The following HIPK2 variants were observed in gnomAD, a reference collection of about 807,000 sequenced individuals.
HIPK2 encodes homeodomain interacting protein kinase 2.
HIPK2 carries 27 observed loss-of-function variants against 113.7 expected under a neutral mutation model. The observed-to-expected ratio is 0.24, with a 90% CI of 0.17 to 0.33. The LOEUF is 0.33. Ranked by LOEUF, HIPK2 falls within the 10% of genes least tolerant of loss-of-function variation. The pLI is 1.00. For missense variants in HIPK2, 1,257 were observed against 1,588.0 expected (o/e 0.79, Z 3.54); for synonymous variants, 631 against 642.2 (o/e 0.98, Z 0.26).
chr7:139,668,867 A>G (rs985484193), intron 2 of HIPK2, among the ~76,000 whole-genome samples: 23 of 152,220 alleles, frequency 1.5e-4, no homozygotes, highest in African/African-American at 5.5e-4. Context: ...GTAAAAGAAG[A>G]CTGATGACTG....
chr7:139,752,171 T>C (rs1796288935), intron 1 of HIPK2, among the ~76,000 whole-genome samples: 1 of 152,204 alleles, frequency 6.6e-6, no homozygotes. Flanking sequence ...TGCACACACA[T>C]GCTCAGAAGC....
intron 2 of HIPK2, among the ~76,000 whole-genome samples, chr7:139,677,346 C>T (rs1802539584): frequency 6.6e-6 from 1 of 151,982 alleles, no homozygotes; most frequent in Non-Finnish European, 1.5e-5. Context: ...GGTAAAGTGA[C>T]TTCATTTAGT....
At chr7:139,584,629 A>G (rs1798777566) in intron 12 of HIPK2, among the ~76,000 whole-genome samples, 1 of 152,246 alleles carries the variant, frequency 6.6e-6, no homozygotes, top group Admixed American at 6.5e-5. Context: ...AGCACAGTGC[A>G]GACATGCTGC....
intron 2 of HIPK2, among the ~76,000 whole-genome samples, chr7:139,671,818 G>A (rs951359668): frequency 6.6e-6 from 1 of 152,206 alleles, no homozygotes; most frequent in Admixed American, 6.5e-5. Context: ...AAAGTGCTGG[G>A]ATTATAGGTG....
chr7:139,647,479 A>G (rs1201018288), intron 2 of HIPK2, among the ~76,000 whole-genome samples: 1 of 152,208 alleles, frequency 6.6e-6, no homozygotes, highest in East Asian at 1.9e-4. Context: ...TGGCTCTTTT[A>G]GTTCTTCTCT....
chr7:139,628,982 T>G lies in HIPK2; in HGVS notation c.1405A>C (p.Ile469Leu), dbSNP rs1182918585. The G allele has an allele frequency of 6.3e-7, 1 of 1,596,100 alleles. No individual in the cohort carries two copies. The highest frequency in any genetic ancestry group is 2.2e-5 in the East Asian group (1 of 44,638). ...GIKSKEARKY[I>L]FNCLDDMAQV... is the part of the protein sequence containing the mutation. ...GCCATATCATCTAAACAGTTGAAAA[T>G]GTACTTTCTTGCTTCTTTTGACTTA... Residue 469 changes from isoleucine to leucine, a missense_variant, in exon 5 of 15, where the codon ATT becomes CTT. Transcript: ENST00000406875.
At chr7:139,612,676 C>A (rs1248529714) in intron 9 of HIPK2, among the ~76,000 whole-genome samples, 1 of 152,204 alleles carries the variant, frequency 6.6e-6, no homozygotes. Flanking sequence ...TAACACTTTA[C>A]AAATTTTCAA....
At chr7:139,583,407 G>A (rs1381083539) in intron 13 of HIPK2, 6 of 173,380 alleles carry the variant, frequency 3.5e-5, no homozygotes, top group Non-Finnish European at 7.4e-5. Flanking sequence ...AGCAAGACTC[G>A]GAGGAGGTTC....
At chr7:139,614,066 C>T (rs1436656333) in intron 8 of HIPK2, among the ~76,000 whole-genome samples, 1 of 152,182 alleles carries the variant, frequency 6.6e-6, no homozygotes. Flanking sequence ...GTGTGAGAGT[C>T]ACAAAGGATT....
At chr7:139,590,069 C>T (rs180693718) in intron 12 of HIPK2, among the ~76,000 whole-genome samples, 105 of 152,324 alleles carry the variant, frequency 6.9e-4, no homozygotes, top group Non-Finnish European at 1.1e-3. Context: ...AATGAGCACA[C>T]ATTTCAGATG....
intron 12 of HIPK2, among the ~76,000 whole-genome samples, chr7:139,592,467 A>T (rs998308373): frequency 6.6e-6 from 1 of 152,164 alleles, no homozygotes; most frequent in Admixed American, 6.5e-5. Flanking sequence ...CCAGGCATGG[A>T]GGCTCACACC....
chr7:139,716,552 G>A lies in HIPK2; in HGVS notation c.483C>T (p.Ala161=), dbSNP rs199720173. The A allele has an allele frequency of 5.7e-4, 919 of 1,614,000 alleles. 1 individual carries two copies. The highest frequency in any genetic ancestry group is 3.5e-4 in the Non-Finnish European group (418 of 1,179,890). Residue 161 remains alanine, a synonymous_variant, in exon 2 of 15, where the codon GCC becomes GCT. Transcript: ENST00000406875. The surrounding 1 kb of genome is among the most constrained non-coding windows in gnomAD (Gnocchi z 9.3). ...PPMIQNNASG[A]TVATATTSTA... The stretch of plus-strand genomic sequence containing the variant: ...TAGACGTGGTGGCAGTGGCGACAGT[G>A]GCCCCGCTTGCATTATTCTGAATCA...
At chr7:139,745,795 T>C (rs1796180540) in intron 1 of HIPK2, among the ~76,000 whole-genome samples, 1 of 152,026 alleles carries the variant, frequency 6.6e-6, no homozygotes, top group Non-Finnish European at 1.5e-5. Flanking sequence ...AATCACCTCC[T>C]CCTCTGCATG....
chr7:139,669,893 C>A (rs1277243437), intron 2 of HIPK2, among the ~76,000 whole-genome samples: 2 of 152,114 alleles, frequency 1.3e-5, no homozygotes, highest in Non-Finnish European at 2.9e-5. Context: ...CACTAGAGTA[C>A]CCATGGATGA....
intron 1 of HIPK2, among the ~76,000 whole-genome samples, chr7:139,753,111 G>C (rs890739866): frequency 4.6e-5 from 7 of 152,150 alleles, no homozygotes; most frequent in Non-Finnish European, 8.8e-5. Context: ...TTCCATTCTT[G>C]GCTGAACCAG....
At chr7:139,690,250 C>T (rs922207457) in intron 2 of HIPK2, among the ~76,000 whole-genome samples, 3 of 152,082 alleles carry the variant, frequency 2.0e-5, no homozygotes, top group Non-Finnish European at 4.4e-5. Flanking sequence ...GCTAGAGCAT[C>T]GGTCCCTATT....
rs1160786043 is a variant in HIPK2 at position 139,604,160 on chromosome 7, C to T, written c.2176G>A (p.Val726Met). The change falls in exon 10 of 15, where the codon GTG becomes ATG. Residue 726 changes from valine to methionine, a missense_variant. By Grantham distance (21) the Val-to-Met change is conservative. Transcript: ENST00000406875. ...TGCTGCACTGATGTGTGGGTGGCCA[C>T]TCCAGTCAGTTGCTGCCATGCTGGG... ...LPPAWQQLTG[V>M]ATHTSVQHAT... 6.2e-7 allele frequency: 1 copy of T among 1,613,972 alleles called. No individual in the cohort carries two copies. The highest frequency in any genetic ancestry group is 1.1e-5 in the South Asian group (1 of 91,084).
Position 139,695,563 on chromosome 7 carries a change from C to T in HIPK2, c.1103+20369G>A, listed in dbSNP as rs976187211. Among the ~76,000 whole-genome samples, 3 of 152,120 alleles carry T rather than the reference C, an allele frequency of 2.0e-5. No homozygotes were observed. In the East Asian group the frequency reaches 5.8e-4, roughly 29 times the overall value. ...GACATTAAAAAGTTATTCAAGAGGC[C>T]AGGGGAAAGCAAAGAATCAGAACAA... On this transcript the variant is annotated intron_variant, in intron 2 of 14. Transcript: ENST00000406875.
intron 1 of HIPK2, among the ~76,000 whole-genome samples, chr7:139,738,901 A>G (rs1315023914): frequency 6.6e-6 from 1 of 152,206 alleles, no homozygotes; most frequent in East Asian, 1.9e-4. Flanking sequence ...AGGATGTCCA[A>G]GACATTGGCA....
Sources: allele counts gnomAD v4.1 joint callset (sites outside exome capture counted in the v4.1 genomes callset), GRCh38; gene constraint gnomAD v4.1.1; non-coding constraint Gnocchi (gnomAD v3.1); transcripts MANE v1.5; gene names NCBI Gene and HGNC (gene_info 2026-07-23, HGNC 2026-07-21).